Variants in BICD1 observed in about 807,000 individuals in gnomAD.
BICD1 encodes protein bicaudal D homolog 1.
Under a neutral mutation model 92.5 loss-of-function variants are expected in BICD1, and 35 were observed. The observed-to-expected ratio is 0.38, with a 90% CI of 0.29 to 0.50. The LOEUF (loss-of-function observed/expected upper bound fraction) is 0.50, where lower values mean the gene tolerates loss of function less well. Ranked by LOEUF, BICD1 falls within the 20% of genes least tolerant of loss-of-function variation. The pLI is 0.93. For synonymous variants in BICD1, 429 were observed against 465.1 expected, an observed-to-expected ratio of 0.92 and a Z score of 1.00; for missense variants, 950 against 1,189.8, an observed-to-expected ratio of 0.80 and a Z score of 2.97.
Position 32,383,060 on chromosome 12 carries a change from T to C in BICD1, c.*5433T>C, listed in dbSNP as rs1369243365. On this transcript the variant is annotated 3_prime_UTR_variant, in exon 10 of 10. Coordinates refer to ENST00000652176, the MANE Select transcript of BICD1 (RefSeq NM_001714.4). ...TCTGTTTTTATTTGCATGATTATGC[T>C]TATGTGATGAACCATCCATGATTCT... The C allele has an allele frequency of 2.0e-5, 3 of 152,128 alleles. No homozygotes were observed. The highest frequency in any genetic ancestry group is 7.2e-5 in the African/African-American group (3 of 41,468). The allele number at this position is 152,128 out of a possible 1,614,324, so 9.4% of individuals were successfully genotyped here.
At chr12:32,239,140 G>C (rs759104916) in intron 2 of BICD1, among the ~76,000 whole-genome samples, 20 of 150,862 alleles carry the variant, frequency 1.3e-4, no homozygotes, top group African/African-American at 4.6e-4. Context: ...CCAGCTACTT[G>C]GGAGGCTGAG....
At chr12:32,210,356 A>C (rs1016830919) in intron 1 of BICD1, among the ~76,000 whole-genome samples, 1 of 152,194 alleles carries the variant, frequency 6.6e-6, no homozygotes, top group African/African-American at 2.4e-5. Context: ...TCTGTGATCA[A>C]AGAGAACATT....
chr12:32,140,946 T>A (rs1345753840), intron 1 of BICD1, among the ~76,000 whole-genome samples: 1 of 152,212 alleles, frequency 6.6e-6, no homozygotes, highest in African/African-American at 2.4e-5. Context: ...CTTGAAATCT[T>A]CCGTAGAACG....
chr12:32,168,055 C>T (rs1401150308), intron 1 of BICD1, among the ~76,000 whole-genome samples: 3 of 150,214 alleles, frequency 2.0e-5, no homozygotes, highest in South Asian at 2.1e-4. Context: ...TGTATCTCAT[C>T]CCTAAACAAA....
chr12:32,229,223 T>C (rs111389235), intron 2 of BICD1, among the ~76,000 whole-genome samples: 3,093 of 152,090 alleles, frequency 0.02, 98 homozygotes, highest in African/African-American at 0.066. Flanking sequence ...TGCACTCCAG[T>C]CTTGGCGACA....
chr12:32,192,151 G>A (rs1044575461), intron 1 of BICD1, among the ~76,000 whole-genome samples: 1 of 152,178 alleles, frequency 6.6e-6, no homozygotes, highest in African/African-American at 2.4e-5. Context: ...GATAAAGCAG[G>A]CCAGGTGCGG....
At chr12:32,186,995 G>A (rs1944438306) in intron 1 of BICD1, among the ~76,000 whole-genome samples, 1 of 152,104 alleles carries the variant, frequency 6.6e-6, no homozygotes. Flanking sequence ...AGTGAATTTG[G>A]GCAGGTTATT....
chr12:32,164,780 C>T (rs1192162016), intron 1 of BICD1, among the ~76,000 whole-genome samples: 3 of 152,174 alleles, frequency 2.0e-5, no homozygotes, highest in Non-Finnish European at 4.4e-5. Flanking sequence ...AAAGTGAATC[C>T]ACTAACACTC....
chr12:32,164,330 A>G (rs1393744170), intron 1 of BICD1, among the ~76,000 whole-genome samples: 4 of 152,214 alleles, frequency 2.6e-5, no homozygotes, highest in Non-Finnish European at 4.4e-5. Flanking sequence ...TTGCAGTTTT[A>G]ATGGCCATGC....
intron 8 of BICD1, among the ~76,000 whole-genome samples, chr12:32,355,072 A>T (rs1202335412): frequency 6.6e-6 from 1 of 152,196 alleles, no homozygotes; most frequent in Admixed American, 6.5e-5. Context: ...TTTACTGGTT[A>T]TGTTATTTGG....
intron 1 of BICD1, among the ~76,000 whole-genome samples, chr12:32,187,339 C>CA (rs1232351630): frequency 1.3e-5 from 2 of 152,158 alleles, no homozygotes; most frequent in Admixed American, 1.3e-4. Context: ...AACAGCTTGA[C>CA]AAGTTTGTGA....
intron 1 of BICD1, among the ~76,000 whole-genome samples, chr12:32,114,598 G>A (rs1440195367): frequency 6.6e-6 from 1 of 152,058 alleles, no homozygotes; most frequent in East Asian, 1.9e-4. Flanking sequence ...AGCCAGGTTG[G>A]TCTAGAACTC....
At chr12:32,360,500 A>C (rs1296764713) in intron 8 of BICD1, among the ~76,000 whole-genome samples, 1 of 152,238 alleles carries the variant, frequency 6.6e-6, no homozygotes, top group Non-Finnish European at 1.5e-5. Context: ...TCTCTATAGA[A>C]TGGGGATTGT....
chr12:32,140,142 T>G (rs565327215), intron 1 of BICD1, among the ~76,000 whole-genome samples: 334 of 152,318 alleles, frequency 2.2e-3, no homozygotes, highest in South Asian at 9.1e-3. Flanking sequence ...CATGTTATTG[T>G]GGAGTGGATA....
chr12:32,366,630 G>C (rs1043056375), intron 8 of BICD1, among the ~76,000 whole-genome samples: 17 of 152,066 alleles, frequency 1.1e-4, no homozygotes, highest in African/African-American at 4.1e-4. Context: ...TGGGCAACAA[G>C]AGCAAAACTC....
At chr12:32,268,250 TTTTTCTTCCTTCGA>T (rs1947050792) in intron 2 of BICD1, among the ~76,000 whole-genome samples, 1 of 152,198 alleles carries the variant, frequency 6.6e-6, no homozygotes, top group African/African-American at 2.4e-5. Flanking sequence ...ACAGAAGTTG[TTTTTCTTCCTTCGA>T]AGAGAAGGGA....
intron 5 of BICD1, among the ~76,000 whole-genome samples, chr12:32,329,200 G>T (rs918577191): frequency 2.0e-5 from 3 of 152,150 alleles, no homozygotes; most frequent in Admixed American, 2.0e-4. Context: ...CGCCTCCTGG[G>T]TTCAAGCGAT....
At chr12:32,110,997 AAAG>A (rs1169778480) in intron 1 of BICD1, among the ~76,000 whole-genome samples, 1 of 152,188 alleles carries the variant, frequency 6.6e-6, no homozygotes, top group South Asian at 2.1e-4. Context: ...TAATAAAAAA[AAAG>A]AGTTTTTTTT....
chr12:32,252,337 C>T (rs1946589797), intron 2 of BICD1, among the ~76,000 whole-genome samples: 1 of 150,980 alleles, frequency 6.6e-6, no homozygotes, highest in Non-Finnish European at 1.5e-5. Flanking sequence ...AACTTCCCTT[C>T]AGTCCGATTC....
Sources: allele counts gnomAD v4.1 joint callset (sites outside exome capture counted in the v4.1 genomes callset), GRCh38; gene constraint gnomAD v4.1.1; transcripts MANE v1.5; gene names NCBI Gene and HGNC (gene_info 2026-07-23, HGNC 2026-07-21).